Variants in GCHFR observed in about 807,000 individuals in gnomAD.
The protein encoded by GCHFR is GTP cyclohydrolase I feedback regulator.
In GCHFR, 12 loss-of-function variants were observed where a neutral mutation model predicts 10.6. The ratio of observed to expected loss-of-function variants is 1.13; its 90% CI spans 0.72 to 1.83. GCHFR has a LOEUF of 1.83. GCHFR is among the 40% of genes most tolerant of loss of function. GCHFR has a pLI of 0.00. For missense variants in GCHFR, 116 were observed against 110.6 expected, an observed-to-expected ratio of 1.05 and a Z score of -0.22; for synonymous variants, 54 against 43.7, an observed-to-expected ratio of 1.24 and a Z score of -0.93.
At chr15:40,765,755 G>C in intron 1 of GCHFR, 72 bp from the exon 2 acceptor site, 1 of 664,988 alleles carries the variant, frequency 1.5e-6, no homozygotes, top group South Asian at 2.0e-5. Context: ...GCAGGCAGGG[G>C]AGGAAGGACA....
chr15:40,767,116 C>A, intron 2 of GCHFR, 110 bp from the exon 3 acceptor site: 2 of 1,170,366 alleles, frequency 1.7e-6, no homozygotes, highest in Non-Finnish European at 2.3e-6. Context: ...AAGCAGCCAG[C>A]AAGTGTGAGT....
intron 2 of GCHFR, chr15:40,766,404 C>A (rs1241591792): frequency 6.6e-6 from 1 of 152,456 alleles, no homozygotes; most frequent in Non-Finnish European, 1.5e-5. Context: ...CATGTCTAAA[C>A]TGTGACTACT....
At chr15:40,767,042 G>T in intron 2 of GCHFR, 184 bp from the exon 3 acceptor site, 1 of 480,114 alleles carries the variant, frequency 2.1e-6, no homozygotes, top group Non-Finnish European at 3.6e-6. Context: ...GAATAAATGA[G>T]ATAGCTCGTG....
intron 2 of GCHFR, 66 bp from the exon 3 acceptor site, chr15:40,767,160 C>T: frequency 1.4e-6 from 2 of 1,423,420 alleles, no homozygotes; most frequent in South Asian, 1.7e-5. Context: ...CTGCTGCAGA[C>T]ACTAGCTTTG....
Position 40,764,223 on chromosome 15 carries a change from A to T in GCHFR, c.36+7A>T. The T allele has an allele frequency of 1.3e-6, 2 of 1,552,176 alleles. No individual in the cohort carries two copies. Among genetic ancestry groups the T allele is most frequent in the Non-Finnish European group, 1.7e-6 (2 of 1,148,736 alleles). ...CAGCACCCAGATCCGCATGGTGAGT[A>T]CCGGCCGCCTGGCGACTTGGAGCCG... On this transcript the variant is annotated splice_region_variant and intron_variant, in intron 1 of 2. Transcript: ENST00000260447.
chr15:40,764,248 G>A (rs1037531136), intron 1 of GCHFR, 32 bp downstream of exon 1: 32 of 1,541,800 alleles, frequency 2.1e-5, no homozygotes, highest in Non-Finnish European at 2.5e-5. Flanking sequence ...ACTTGGAGCC[G>A]GGACCAGGCC....
chr15:40,764,139 G>A lies in GCHFR; in HGVS notation c.-42G>A. On this transcript the variant is annotated 5_prime_UTR_variant, in exon 1 of 3. Transcript: ENST00000260447. ...CGAGAAGGGCTGGAGTCGGCGTCCA[G>A]CCTAGAGCCCCCGGTGGGAGCCAGG... 1 of 1,534,646 alleles carries A rather than the reference G, an allele frequency of 6.5e-7. No individual in the cohort carries two copies. Among genetic ancestry groups the A allele is most frequent in the East Asian group, 2.5e-5 (1 of 39,682 alleles).
Position 40,764,233 on chromosome 15 carries a change from TG to T in GCHFR, c.36+19del. 1 of 1,549,418 alleles carries T rather than the reference TG, an allele frequency of 6.5e-7. No homozygotes were observed. Among genetic ancestry groups the T allele is most frequent in the Non-Finnish European group, 8.7e-7 (1 of 1,146,984 alleles). On this transcript the variant is annotated intron_variant, in intron 1 of 2. Coordinates refer to ENST00000260447, the MANE Select transcript of GCHFR (RefSeq NM_005258.3). Reference sequence around the variant, plus strand: ...ATCCGCATGGTGAGTACCGGCCGCCTGGCGACTTGGAGCCGGGACCAGGCCC... The same window carrying T: ...ATCCGCATGGTGAGTACCGGCCGCCTGCGACTTGGAGCCGGGACCAGGCCC...
chr15:40,767,014 T>C (rs1372595803), intron 2 of GCHFR: 5 of 411,500 alleles, frequency 1.2e-5, no homozygotes, highest in African/African-American at 1.0e-4. Context: ...AGTGGCACCT[T>C]CACTAGCTTG....
In GCHFR at chr15:40,767,229, T is replaced by C. The variant is rs1236181113; in HGVS notation, c.135T>C (p.Tyr45=). The change falls in exon 3 of 3, where the codon TAT becomes TAC. Residue 45 remains tyrosine (Y), a synonymous_variant. Coordinates refer to ENST00000260447, the MANE Select transcript of GCHFR (RefSeq NM_005258.3). ...CCCCCATCCTGTCTCTTTGCAGTTA[T>C]GAATACTACGTCGATGACCCTCCCC... ...SKRRALGNNF[Y]EYYVDDPPRI... is the part of the protein sequence containing the mutation. 5 of 1,542,688 alleles carry C rather than the reference T, an allele frequency of 3.2e-6. No homozygotes were observed. The African/African-American group carries it at 5.6e-5, about 17-fold the overall frequency.
At chr15:40,767,156 C>A in intron 2 of GCHFR, 70 bp from the exon 3 acceptor site, 1 of 1,409,426 alleles carries the variant, frequency 7.1e-7, no homozygotes, top group Non-Finnish European at 9.3e-7. Context: ...CTGCCTGCTG[C>A]AGACACTAGC....
Position 40,764,174 on chromosome 15 carries a change from G to A in GCHFR, c.-7G>A, listed in dbSNP as rs1308243829. The A allele has an allele frequency of 1.2e-5, 18 of 1,552,572 alleles. No homozygotes were observed. The highest frequency in any genetic ancestry group is 3.4e-4 in the Middle Eastern group (2 of 5,966). ...CCCGGTGGGAGCCAGGCCGGGACGC[G>A]TGCACCATGCCCTACCTGCTCATCA... On this transcript the variant is annotated 5_prime_UTR_variant, in exon 1 of 3. It adds an upstream start codon to the 5' untranslated region. Coordinates refer to ENST00000260447, the MANE Select transcript of GCHFR (RefSeq NM_005258.3).
chr15:40,767,144 G>C (rs957371665), intron 2 of GCHFR, 82 bp from the exon 3 acceptor site: 1 of 1,384,242 alleles, frequency 7.2e-7, no homozygotes, highest in Admixed American at 2.9e-5. Flanking sequence ...AGAGTGGCCA[G>C]GCTGCCTGCT....
In GCHFR at chr15:40,767,208, C is replaced by CA. The variant is rs770711732; in HGVS notation, c.132-17dup. 5.0e-5 allele frequency: 75 copies of CA among 1,488,656 alleles called. No homozygotes were observed. The highest frequency in any genetic ancestry group is 1.8e-4 in the Middle Eastern group (1 of 5,670). 92.2% of individuals were successfully genotyped at this position (1,488,656 alleles called of 1,614,324 possible). On this transcript the variant is annotated splice_polypyrimidine_tract_variant and intron_variant, in intron 2 of 2. Coordinates refer to ENST00000260447, the MANE Select transcript of GCHFR (RefSeq NM_005258.3). Reference sequence around the variant, plus strand: ...GCTGTGTGCCCCTCCTCACCCCCCCCATCCTGTCTCTTTGCAGTTATGAAT... The same window carrying CA: ...GCTGTGTGCCCCTCCTCACCCCCCCCAATCCTGTCTCTTTGCAGTTATGAAT...
Position 40,767,644 on chromosome 15 carries a change from TCCAGCGG to T in GCHFR, c.*298_*304del. On this transcript the variant is annotated 3_prime_UTR_variant, in exon 3 of 3. Transcript: ENST00000260447. The stretch of plus-strand genomic sequence containing the variant: ...GCTGCCCCGGGCCGGAGCTGGGCAC[TCCAGCGG>T]CCCTGGCGCGTGGCTCCTGCATAGC... 1 of 583,072 alleles carries T rather than the reference TCCAGCGG, an allele frequency of 1.7e-6. No homozygotes were observed. 36.1% of individuals were successfully genotyped at this position (583,072 alleles called of 1,614,324 possible).
chr15:40,767,117 A>G, intron 2 of GCHFR, 109 bp from the exon 3 acceptor site: 1 of 1,175,812 alleles, frequency 8.5e-7, no homozygotes, highest in Non-Finnish European at 1.1e-6. Context: ...AGCAGCCAGC[A>G]AGTGTGAGTC....
intron 1 of GCHFR, chr15:40,765,564 T>G (rs538994932): frequency 3.7e-4 from 106 of 289,128 alleles, no homozygotes; most frequent in African/African-American, 2.2e-3. Flanking sequence ...TCAGCCTCAG[T>G]AGCTGGAACT....
chr15:40,765,700 C>A, intron 1 of GCHFR, 127 bp from the exon 2 acceptor site: 1 of 450,836 alleles, frequency 2.2e-6, no homozygotes, highest in Non-Finnish European at 4.0e-6. Context: ...CCCTAAGAAT[C>A]CTTGCTACTC....
chr15:40,765,927 T>C lies in GCHFR; in HGVS notation c.131+6T>C, dbSNP rs1432025800. ...AGAGCCTTGGGAAACAACTTGTAAG[T>C]AGCAGCCTCCCTCAGTATCCTCTCC... On this transcript the variant is annotated splice_donor_region_variant and intron_variant, in intron 2 of 2. Coordinates refer to ENST00000260447, the MANE Select transcript of GCHFR (RefSeq NM_005258.3). 1 of 1,486,560 alleles carries C rather than the reference T, an allele frequency of 6.7e-7. No individual in the cohort carries two copies. The highest frequency in any genetic ancestry group is 9.3e-7 in the Non-Finnish European group (1 of 1,077,314). The allele number at this position is 1,486,560 out of a possible 1,614,324, so 92.1% of individuals were successfully genotyped here.
Sources: allele counts gnomAD v4.1 joint callset, GRCh38; gene constraint gnomAD v4.1.1; transcripts MANE v1.5; gene names NCBI Gene and HGNC (gene_info 2026-07-23, HGNC 2026-07-21).